Variants in SATB2 observed in about 807,000 individuals in gnomAD.
The protein encoded by SATB2 is SATB homeobox 2.
Under a neutral mutation model 73.4 loss-of-function variants are expected in SATB2, and 1 was observed. The ratio of observed to expected loss-of-function variants is 0.01; its 90% confidence interval spans 0.00 to 0.06. The LOEUF is 0.06. Among genes scored for constraint, SATB2 ranks in the 10% least tolerant of loss-of-function variants. The pLI is 1.00. For missense variants in SATB2, 459 were observed against 945.8 expected (o/e 0.49, Z 6.75); for synonymous variants, 397 against 367.0 (o/e 1.08, Z -0.93).
chr2:199,287,049 T>C (rs1280820382), intron 10 of SATB2, among the ~76,000 whole-genome samples: 2 of 152,178 alleles, frequency 1.3e-5, no homozygotes, highest in South Asian at 2.1e-4. Context: ...ACTTCAGCAA[T>C]GGCAAAAGGC....
At chr2:199,467,036 C>T (rs1197466941), upstream of SATB2, among the ~76,000 whole-genome samples, 3 of 152,256 alleles carry the variant, frequency 2.0e-5, no homozygotes, top group African/African-American at 7.2e-5. Context: ...CCCGGCTGGC[C>T]GCCCAGGCTG....
chr2:199,279,243 T>G (rs540139352), intron 10 of SATB2, among the ~76,000 whole-genome samples: 1 of 152,166 alleles, frequency 6.6e-6, no homozygotes, highest in Non-Finnish European at 1.5e-5. Flanking sequence ...TATGGACACA[T>G]GTTGTTTCTC....
chr2:199,319,383 G>C (rs1168761669), intron 9 of SATB2, among the ~76,000 whole-genome samples: 1 of 152,030 alleles, frequency 6.6e-6, no homozygotes, highest in East Asian at 1.9e-4. Context: ...AGACCCCCCT[G>C]GTTCCCTGTT....
chr2:199,418,602 T>C (rs1209830694), intron 3 of SATB2, among the ~76,000 whole-genome samples: 3 of 152,226 alleles, frequency 2.0e-5, no homozygotes, highest in Non-Finnish European at 4.4e-5. Flanking sequence ...GGTTTGCTTC[T>C]ACATCCAAAC....
In SATB2 at chr2:199,411,226, A is replaced by C. The variant is rs6758670; in HGVS notation, c.346+22112T>G. Among the ~76,000 whole-genome samples, 990 of 152,154 alleles carry C rather than the reference A, an allele frequency of 6.5e-3. 10 individuals carry two copies. Among genetic ancestry groups the C allele is most frequent in the African/African-American group, 0.022 (927 of 41,530 alleles). On this transcript the variant is annotated intron_variant, in intron 3 of 10. Transcript: ENST00000417098. ...TCACTATGTCCAGAAAAAAGAAAAAAAAAAAAAATTCACCTCTTTGTCCTC... is the reference window on the plus strand; with the variant it reads ...TCACTATGTCCAGAAAAAAGAAAAACAAAAAAAATTCACCTCTTTGTCCTC...
chr2:199,467,392 TC>T (rs1362829681), upstream of SATB2: 1 of 152,146 alleles, frequency 6.6e-6, no homozygotes, highest in Non-Finnish European at 1.5e-5. Flanking sequence ...TCCAACAGCC[TC>T]CCCTCCCCCC....
intron 3 of SATB2, among the ~76,000 whole-genome samples, chr2:199,402,930 T>C (rs1029172326): frequency 5.9e-5 from 9 of 152,222 alleles, no homozygotes; most frequent in African/African-American, 2.2e-4. Flanking sequence ...CCAGCTCAAA[T>C]TCTAATGAAA....
chr2:199,370,695 C>A (rs769266585), intron 5 of SATB2, among the ~76,000 whole-genome samples: 1 of 152,134 alleles, frequency 6.6e-6, no homozygotes. Flanking sequence ...TCACTCTCTA[C>A]CCTCTCTTTG....
chr2:199,344,756 C>A (rs1037860557), intron 7 of SATB2, among the ~76,000 whole-genome samples: 2 of 152,088 alleles, frequency 1.3e-5, no homozygotes, highest in Admixed American at 1.3e-4. Flanking sequence ...TCAAATTGAC[C>A]CCCTATCACT....
chr2:199,272,144 A>C lies in SATB2; in HGVS notation c.*67T>G. On this transcript the variant is annotated 3_prime_UTR_variant, in exon 11 of 11. Transcript: ENST00000417098. This position sits in a 1 kb window ranked among gnomAD's most constrained non-coding sequence, Gnocchi z 6.7. ...AAAACAAAAAACAAACTAACAAAAAACTTTTAAAGAAATGAAAGCAGAAAA... is the reference window on the plus strand; with the variant it reads ...AAAACAAAAAACAAACTAACAAAAACCTTTTAAAGAAATGAAAGCAGAAAA... The C allele has an allele frequency of 6.7e-7, 1 of 1,495,786 alleles. No individual in the cohort carries two copies. Among genetic ancestry groups the C allele is most frequent in the South Asian group, 1.1e-5 (1 of 88,410 alleles). The allele number at this position is 1,495,786 out of a possible 1,614,324, so 92.7% of individuals were successfully genotyped here. A position where few individuals can be genotyped will look rare whatever the true frequency, so the allele number is the denominator to read the frequency against.
intron 2 of SATB2, among the ~76,000 whole-genome samples, chr2:199,445,825 T>C (rs1190705545): frequency 6.6e-6 from 1 of 152,174 alleles, no homozygotes; most frequent in East Asian, 1.9e-4. Flanking sequence ...TGAATGGAGA[T>C]GTCTGAATGG....
chr2:199,458,475 G>C (rs1268452354), upstream of SATB2: 1 of 392,154 alleles, frequency 2.6e-6, no homozygotes, highest in Non-Finnish European at 5.0e-6. Flanking sequence ...CGGTGGCCGC[G>C]GCCAGCGGGT....
At chr2:199,353,726 T>C (rs79665244) in intron 6 of SATB2, among the ~76,000 whole-genome samples, 2,909 of 152,198 alleles carry the variant, frequency 0.019, 44 homozygotes, top group South Asian at 0.031. Context: ...TTCCCTTCTC[T>C]CCCTTCCTTT....
intron 2 of SATB2, among the ~76,000 whole-genome samples, chr2:199,438,153 C>A (rs1278462403): frequency 6.6e-6 from 1 of 151,834 alleles, no homozygotes; most frequent in Non-Finnish European, 1.5e-5. Flanking sequence ...TGTAGAATAT[C>A]TTGAATATAT....
intron 6 of SATB2, among the ~76,000 whole-genome samples, chr2:199,354,943 A>G (rs1688927302): frequency 6.6e-6 from 1 of 152,086 alleles, no homozygotes; most frequent in African/African-American, 2.4e-5. Flanking sequence ...GATGCTCACA[A>G]TTGCTGCCTG....
At chr2:199,296,707 C>T (rs1207114038) in intron 10 of SATB2, among the ~76,000 whole-genome samples, 1 of 103,162 alleles carries the variant, frequency 9.7e-6, no homozygotes, top group Non-Finnish European at 2.2e-5. Context: ...CTCAAACAAA[C>T]TAACAAACAA....
At chr2:199,456,509 G>A (rs1165215157) in intron 1 of SATB2, among the ~76,000 whole-genome samples, 1 of 152,258 alleles carries the variant, frequency 6.6e-6, no homozygotes, top group African/African-American at 2.4e-5. Flanking sequence ...GAAGGGAGTT[G>A]GGGGTGTGCG....
chr2:199,292,928 G>C (rs1692915094), intron 10 of SATB2, among the ~76,000 whole-genome samples: 1 of 152,180 alleles, frequency 6.6e-6, no homozygotes, highest in Non-Finnish European at 1.5e-5. Context: ...TGTTTCCGCA[G>C]TTGCAGTACA....
At chr2:199,392,896 C>T (rs1025293929) in intron 3 of SATB2, among the ~76,000 whole-genome samples, 2 of 152,138 alleles carry the variant, frequency 1.3e-5, no homozygotes, top group Non-Finnish European at 2.9e-5. Context: ...GTAAGCATTA[C>T]ATTTTTTAGG....
Sources: gnomAD v4.1 joint callset for allele counts (sites outside exome capture counted in the v4.1 genomes callset) on GRCh38, gnomAD v4.1.1 for gene constraint, Gnocchi (gnomAD v3.1) non-coding constraint, MANE v1.5 for transcripts, NCBI Gene and HGNC (gene_info 2026-07-23, HGNC 2026-07-21) for gene names.